Variants in SOX5 observed in about 807,000 individuals in gnomAD.
The protein encoded by SOX5 is transcription factor SOX-5.
Under a neutral mutation model 92.0 loss-of-function variants are expected in SOX5, and 9 were observed. That is an observed-to-expected ratio of 0.10 (90% CI 0.06 to 0.17). The LOEUF is 0.17. Among genes scored for constraint, SOX5 ranks in the 10% least tolerant of loss-of-function variants. The pLI is 1.00. For synonymous variants in SOX5, 344 were observed against 336.3 expected, an observed-to-expected ratio of 1.02 and a Z score of -0.25; for missense variants, 642 against 944.5, an observed-to-expected ratio of 0.68 and a Z score of 4.20.
intron 4 of SOX5, among the ~76,000 whole-genome samples, chr12:24,189,011 C>T (rs1956271335): frequency 6.6e-6 from 1 of 152,154 alleles, no homozygotes; most frequent in Admixed American, 6.6e-5. Context: ...GAAAACACTA[C>T]CTACAAGGAC....
At chr12:23,850,428 C>CAAA (rs1377680790) in intron 2 of SOX5, among the ~76,000 whole-genome samples, 15 of 70,392 alleles carry the variant, frequency 2.1e-4, no homozygotes, top group African/African-American at 5.4e-4. Flanking sequence ...ACTCTGTCTA[C>CAAA]AAAAAAAAAA....
At chr12:24,514,146 A>G (rs1212393724) in intron 1 of SOX5, among the ~76,000 whole-genome samples, 1 of 152,214 alleles carries the variant, frequency 6.6e-6, no homozygotes, top group Non-Finnish European at 1.5e-5. Flanking sequence ...TTCTTTCAAT[A>G]GCATCATCAA....
At chr12:24,191,332 T>C (rs1956503878) in intron 4 of SOX5, among the ~76,000 whole-genome samples, 1 of 152,224 alleles carries the variant, frequency 6.6e-6, no homozygotes. Flanking sequence ...TTAGTTTCCA[T>C]GATTTTTACC....
chr12:23,827,036 A>C (rs973597870), intron 3 of SOX5, among the ~76,000 whole-genome samples: 7 of 152,308 alleles, frequency 4.6e-5, no homozygotes, highest in Middle Eastern at 3.4e-3. Flanking sequence ...CCATGCAATG[A>C]GCTCTACGTT....
At chr12:24,151,084 A>G (rs1951607326) in intron 4 of SOX5, among the ~76,000 whole-genome samples, 1 of 152,084 alleles carries the variant, frequency 6.6e-6, no homozygotes, top group South Asian at 2.1e-4. Flanking sequence ...GATCACAGAA[A>G]AAATACTGTG....
chr12:23,985,004 C>T (rs763656597), intron 4 of SOX5, among the ~76,000 whole-genome samples: 2 of 152,052 alleles, frequency 1.3e-5, no homozygotes, highest in Non-Finnish European at 2.9e-5. Context: ...GGCAGCTTAG[C>T]GTTCCAATAA....
intron 4 of SOX5, among the ~76,000 whole-genome samples, chr12:24,083,411 T>C (rs770529165): frequency 6.6e-6 from 1 of 152,124 alleles, no homozygotes; most frequent in Non-Finnish European, 1.5e-5. Flanking sequence ...ATATGCTATC[T>C]GCCAGGCATT....
At chr12:24,196,377 T>C (rs1447865822) in intron 4 of SOX5, among the ~76,000 whole-genome samples, 1 of 152,250 alleles carries the variant, frequency 6.6e-6, no homozygotes, top group East Asian at 1.9e-4. Context: ...AGTGCTGAGT[T>C]AGAATTCCTG....
At chr12:23,792,486 G>A (rs1241834167) in intron 3 of SOX5, among the ~76,000 whole-genome samples, 3 of 151,612 alleles carry the variant, frequency 2.0e-5, no homozygotes, top group South Asian at 2.1e-4. Flanking sequence ...AGCTGGGTGT[G>A]GTGGTGCATG....
chr12:23,755,794 A>T (rs953237229), intron 3 of SOX5, 70 bp from the exon 4 acceptor site: 1 of 1,035,872 alleles, frequency 9.7e-7, no homozygotes, highest in Admixed American at 2.9e-5. Context: ...TTAAAAGTCT[A>T]TCTGCTAAAA....
chr12:24,541,576 C>G (rs1351758594), intron 1 of SOX5, among the ~76,000 whole-genome samples: 1 of 152,150 alleles, frequency 6.6e-6, no homozygotes, highest in African/African-American at 2.4e-5. Flanking sequence ...TGCAATAAAG[C>G]ATTTCTTTGT....
chr12:23,779,131 T>C (rs2095199976), intron 3 of SOX5, among the ~76,000 whole-genome samples: 1 of 152,150 alleles, frequency 6.6e-6, no homozygotes, highest in Non-Finnish European at 1.5e-5. Context: ...GTTTAAGTAT[T>C]ATGTCCCTAA....
Position 23,715,910 on chromosome 12 carries a change from A to C in SOX5, c.810+18774T>G, listed in dbSNP as rs1463017563. Among the ~76,000 whole-genome samples, 9 of 152,108 alleles carry C rather than the reference A, an allele frequency of 5.9e-5. 1 individual carries two copies. The highest frequency in any genetic ancestry group is 1.0e-4 in the Non-Finnish European group (7 of 67,994). ...TCTCACTATCTATTATCCAAACATG[A>C]CTATCATTAGTAATAAATCTTATTA... On this transcript the variant is annotated intron_variant, in intron 6 of 14. Transcript: ENST00000451604.
intron 4 of SOX5, among the ~76,000 whole-genome samples, chr12:23,751,026 G>A (rs2094164645): frequency 6.6e-6 from 1 of 151,810 alleles, no homozygotes; most frequent in South Asian, 2.1e-4. Context: ...TCTTTCTTTA[G>A]TTCTTGTGAA....
chr12:23,552,075 G>C (rs1944325423), intron 11 of SOX5, among the ~76,000 whole-genome samples: 1 of 151,904 alleles, frequency 6.6e-6, no homozygotes. Context: ...ATATGAAAAT[G>C]ACTTGATAAT....
intron 10 of SOX5, among the ~76,000 whole-genome samples, chr12:23,567,346 T>A (rs1226174839): frequency 6.6e-6 from 1 of 152,056 alleles, no homozygotes; most frequent in Admixed American, 6.6e-5. Flanking sequence ...ATGGCAAAGG[T>A]CAATATAACT....
chr12:23,695,134 T>A (rs1346558837), intron 6 of SOX5, among the ~76,000 whole-genome samples: 3 of 111,232 alleles, frequency 2.7e-5, no homozygotes, highest in African/African-American at 9.8e-5. Context: ...AAAAAAAAAA[T>A]CAATTGAACA....
At chr12:24,068,491 G>T (rs1215741433) in intron 4 of SOX5, among the ~76,000 whole-genome samples, 1 of 151,686 alleles carries the variant, frequency 6.6e-6, no homozygotes, top group Non-Finnish European at 1.5e-5. Context: ...ATAAATAAAA[G>T]AGATTATCTT....
chr12:24,069,058 T>C (rs1036800586), intron 4 of SOX5, among the ~76,000 whole-genome samples: 14 of 151,828 alleles, frequency 9.2e-5, no homozygotes, highest in African/African-American at 3.4e-4. Flanking sequence ...GTTGCTTGCA[T>C]AATCAGAAAA....
Sources: allele counts gnomAD v4.1 joint callset (sites outside exome capture counted in the v4.1 genomes callset), GRCh38; gene constraint gnomAD v4.1.1; transcripts MANE v1.5; gene names NCBI Gene and HGNC (gene_info 2026-07-23, HGNC 2026-07-21).